PCDHGA7: variants seen among roughly 807,000 people sequenced by gnomAD.
The protein encoded by PCDHGA7 is protocadherin gamma-A7.
Under a neutral mutation model 58.3 loss-of-function variants are expected in PCDHGA7, and 44 were observed. The ratio of observed to expected loss-of-function variants is 0.75; its 90% CI spans 0.59 to 0.97. The LOEUF (loss-of-function observed/expected upper bound fraction) is 0.97, where lower values mean the gene tolerates loss of function less well. Ranked by LOEUF, PCDHGA7 falls within the 50% of genes least tolerant of loss-of-function variation. The probability of loss-of-function intolerance (pLI) is 0.00; values close to 1 mark genes in which losing one functional copy is unlikely to be tolerated. For synonymous variants in PCDHGA7, 516 were observed against 504.2 expected (o/e 1.02, Z -0.31); for missense variants, 1,266 against 1,188.7 (o/e 1.06, Z -0.96).
intron 1 of PCDHGA7, chr5:141,408,406 G>T (rs750833105): frequency 5.0e-6 from 8 of 1,614,066 alleles, no homozygotes; most frequent in East Asian, 2.2e-5. Flanking sequence ...AGCTGCGAGT[G>T]AGCGCGGAGA....
intron 1 of PCDHGA7, chr5:141,422,581 G>C: frequency 6.2e-7 from 1 of 1,613,984 alleles, no homozygotes; most frequent in Non-Finnish European, 8.5e-7. Context: ...TAACCCTCCC[G>C]TTTTTCCTCA....
At chr5:141,390,922 A>G (rs935110449) in intron 1 of PCDHGA7, 8 of 152,482 alleles carry the variant, frequency 5.2e-5, no homozygotes, top group Non-Finnish European at 1.0e-4. Context: ...AAGGTCTACT[A>G]TGCTCATTAG....
At chr5:141,507,380 C>G (rs984406173) in intron 3 of PCDHGA7, 1 of 151,954 alleles carries the variant, frequency 6.6e-6, no homozygotes, top group African/African-American at 2.4e-5. Flanking sequence ...CTTTTATTTA[C>G]TAAATCTGGC....
At chr5:141,414,285 A>G (rs766515802) in intron 1 of PCDHGA7, 1 of 1,613,634 alleles carries the variant, frequency 6.2e-7, no homozygotes, top group East Asian at 2.2e-5. Context: ...GAACAGTCGT[A>G]GCCCTTTTAA....
chr5:141,491,685 G>A lies in PCDHGA7; in HGVS notation c.2425-3122G>A. 1 of 1,613,164 alleles carries A rather than the reference G, an allele frequency of 6.2e-7. No individual in the cohort carries two copies. The highest frequency in any genetic ancestry group is 8.5e-7 in the Non-Finnish European group (1 of 1,179,646). On this transcript the variant is annotated intron_variant, in intron 1 of 3. Transcript: ENST00000518325. The surrounding 1 kb of genome is among the most constrained non-coding windows in gnomAD (Gnocchi z 6.9). ...CCATCCGGTCCCGCTCTAATACGCTGCGGGAGCGGAGCCAGGTGAGGGGCT... is the reference window on the plus strand; with the variant it reads ...CCATCCGGTCCCGCTCTAATACGCTACGGGAGCGGAGCCAGGTGAGGGGCT...
intron 2 of PCDHGA7, among the ~76,000 whole-genome samples, chr5:141,499,326 C>G (rs1465474737): frequency 6.6e-6 from 1 of 152,156 alleles, no homozygotes; most frequent in Non-Finnish European, 1.5e-5. Flanking sequence ...TATCCCTGCT[C>G]TCTCTCAGTT....
chr5:141,494,613 G>A (rs2099755672), intron 1 of PCDHGA7, among the ~76,000 whole-genome samples, 194 bp from the exon 2 acceptor site: 1 of 152,136 alleles, frequency 6.6e-6, no homozygotes, highest in Non-Finnish European at 1.5e-5. Context: ...TTATCTCTTG[G>A]TTTCTGGTAC....
intron 1 of PCDHGA7, among the ~76,000 whole-genome samples, chr5:141,453,673 AC>A (rs1459216908): frequency 6.6e-6 from 1 of 152,230 alleles, no homozygotes; most frequent in African/African-American, 2.4e-5. Flanking sequence ...ACAAAAGGTA[AC>A]ACACTATGTA....
chr5:141,495,892 TTGTCTC>T (rs1035324353), intron 2 of PCDHGA7, among the ~76,000 whole-genome samples: 1 of 152,198 alleles, frequency 6.6e-6, no homozygotes, highest in Admixed American at 6.5e-5. Flanking sequence ...TTGTCTCTCT[TTGTCTC>T]TGTCTCTGTA....
At chr5:141,422,219 C>T in intron 1 of PCDHGA7, 1 of 1,564,678 alleles carries the variant, frequency 6.4e-7, no homozygotes, top group Non-Finnish European at 8.6e-7. Context: ...CTCTTTACCA[C>T]CACGACGATG....
intron 1 of PCDHGA7, among the ~76,000 whole-genome samples, chr5:141,471,999 T>C (rs577046645): frequency 3.9e-5 from 6 of 152,230 alleles, no homozygotes; most frequent in Admixed American, 2.0e-4. Flanking sequence ...AATCCCTGCA[T>C]CGTATAGGGG....
intron 1 of PCDHGA7, chr5:141,399,859 G>T: frequency 1.2e-6 from 2 of 1,612,844 alleles, no homozygotes; most frequent in Non-Finnish European, 1.7e-6. Context: ...GCCGCGCGCT[G>T]CAGAGCCCGG....
Position 141,485,274 on chromosome 5 carries a change from C to A in PCDHGA7, c.2425-9533C>A. 1 of 1,614,106 alleles carries A rather than the reference C, an allele frequency of 6.2e-7. No homozygotes were observed. The highest frequency in any genetic ancestry group is 1.3e-5 in the African/African-American group (1 of 75,036). ...TACGTTTGTGGGCAGATCCGCTACC[C>A]GGTCCCAGAGGAGTCACAGGAAGGG... On this transcript the variant is annotated intron_variant, in intron 1 of 3. Transcript: ENST00000518325. The surrounding 1 kb of genome is among the most constrained non-coding windows in gnomAD (Gnocchi z 5.7).
chr5:141,388,941 C>T (rs191165529), intron 1 of PCDHGA7: 9 of 1,613,962 alleles, frequency 5.6e-6, no homozygotes, highest in Admixed American at 5.0e-5. Context: ...TCTACCCAAC[C>T]TAATTATGGA....
chr5:141,390,041 C>T (rs373243233), intron 1 of PCDHGA7: 2 of 1,614,058 alleles, frequency 1.2e-6, no homozygotes, highest in Non-Finnish European at 1.7e-6. Context: ...CCTCCAGCCC[C>T]GCCTCCTGGA....
At chr5:141,400,789 CTT>C in intron 1 of PCDHGA7, 1 of 561,962 alleles carries the variant, frequency 1.8e-6, no homozygotes, top group Non-Finnish European at 3.1e-6. Flanking sequence ...TTTTTGTCCT[CTT>C]TCTCAAAGCT....
chr5:141,387,827 A>G (rs2091110263), intron 1 of PCDHGA7: 2 of 1,585,958 alleles, frequency 1.3e-6, no homozygotes, highest in Non-Finnish European at 8.6e-7. Flanking sequence ...TGCAATACAG[A>G]GGTTATTTGT....
At position 141,482,530 on chromosome 5, in the gene PCDHGA7, C is replaced by CAA. The variant is rs3074545; in HGVS notation, c.2425-12259_2425-12258dup. ...CAGAGTACAGTATGAGACAGACATG[C>CAA]AAAAAAAAAAAAAAAAAAAGATAAT... On this transcript the variant is annotated intron_variant, in intron 1 of 3. Transcript: ENST00000518325. Among the ~76,000 whole-genome samples the CAA allele has an allele frequency of 5.5e-3, 422 of 76,516 alleles. 18 individuals are homozygous for CAA. Among genetic ancestry groups the CAA allele is most frequent in the African/African-American group, 0.016 (343 of 20,862 alleles). The allele number at this position is 76,516 out of a possible 152,430, so 50.2% of individuals were successfully genotyped here.
rs879645741 is a variant in PCDHGA7 at position 141,383,810 on chromosome 5, T to C, written c.911T>C (p.Leu304Ser). ...TCGCTTACAGGAGAAATATCAACTT[T>C]AGAAGGATTAGATTATGAAGAAACT... ...LNSLTGEIST[L>S]EGLDYEETAF... Residue 304 changes from leucine to serine, a missense_variant, in exon 1 of 4, where the codon TTA (leucine) becomes TCA (serine). Coordinates refer to ENST00000518325, the MANE Select transcript of PCDHGA7 (RefSeq NM_018920.4). 2 of 1,613,958 alleles carry C rather than the reference T, an allele frequency of 1.2e-6. No homozygotes were observed. The highest frequency in any genetic ancestry group is 8.5e-7 in the Non-Finnish European group (1 of 1,179,878).
Sources: gnomAD v4.1 joint callset for allele counts (sites outside exome capture counted in the v4.1 genomes callset) on GRCh38, gnomAD v4.1.1 for gene constraint, Gnocchi (gnomAD v3.1) non-coding constraint, MANE v1.5 for transcripts, NCBI Gene and HGNC (gene_info 2026-07-23, HGNC 2026-07-21) for gene names.